Variants in FGFR2 observed in about 807,000 individuals in gnomAD.
The protein encoded by FGFR2 is fibroblast growth factor receptor 2.
In FGFR2, 19 loss-of-function variants were observed where a neutral mutation model predicts 95.9. That is an observed-to-expected ratio of 0.20 (90% CI 0.14 to 0.29). The LOEUF (loss-of-function observed/expected upper bound fraction) is 0.29, where lower values mean the gene tolerates loss of function less well. FGFR2 is among the 10% of genes least tolerant of loss of function. FGFR2 has a pLI of 1.00. For synonymous variants in FGFR2, 392 were observed against 393.3 expected (o/e 1.00, Z 0.04); for missense variants, 707 against 1,056.9 (o/e 0.67, Z 4.59).
At chr10:121,503,731 C>T in intron 10 of FGFR2, 59 bp downstream of exon 10, 1 of 1,584,104 alleles carries the variant, frequency 6.3e-7, no homozygotes, top group Non-Finnish European at 8.7e-7. Flanking sequence ...AATGTTAATC[C>T]AATATCCCCA....
rs2134284016 is a variant in FGFR2 at position 121,518,764 on chromosome 10, A to T, written c.939+1215T>A. On this transcript the variant is annotated intron_variant, in intron 7 of 17. Transcript: ENST00000358487. This position sits in a 1 kb window ranked among gnomAD's most constrained non-coding sequence, Gnocchi z 4.0. The stretch of plus-strand genomic sequence containing the variant: ...TGGAGACCTTACATATATATTCCCC[A>T]GCATCCGCCTCGGTCACATTGAACA... The T allele has an allele frequency of 1.2e-6, 2 of 1,614,202 alleles. No individual in the cohort carries two copies. Among genetic ancestry groups the T allele is most frequent in the Non-Finnish European group, 1.7e-6 (2 of 1,180,044 alleles).
At chr10:121,574,627 G>A (rs956220857) in intron 2 of FGFR2, among the ~76,000 whole-genome samples, 1 of 152,038 alleles carries the variant, frequency 6.6e-6, no homozygotes, top group Admixed American at 6.6e-5. Context: ...CCTGCCATGA[G>A]GGCTGTGTAC....
In FGFR2 at chr10:121,582,756, C is replaced by A. The variant is rs139052269; in HGVS notation, c.109+10953G>T. Among the ~76,000 whole-genome samples, 1,402 of 152,172 alleles carry A rather than the reference C, an allele frequency of 9.2e-3. 22 individuals are homozygous for A. The highest frequency in any genetic ancestry group is 0.06 in the East Asian group (310 of 5,150). ...CAAGATCGCACCACTGCACTCCAGC[C>A]TGGGTGACAGAGCAAGAGACTCTGT... On this transcript the variant is annotated intron_variant, in intron 2 of 17. Coordinates refer to ENST00000358487, the MANE Select transcript of FGFR2 (RefSeq NM_000141.5).
intron 6 of FGFR2, among the ~76,000 whole-genome samples, chr10:121,530,834 A>G (rs1298424227): frequency 6.6e-6 from 1 of 152,234 alleles, no homozygotes; most frequent in East Asian, 1.9e-4. Flanking sequence ...GTTCCAGCAC[A>G]TTACTGCACA....
intron 4 of FGFR2, among the ~76,000 whole-genome samples, chr10:121,559,036 G>A (rs2134993286): frequency 6.9e-6 from 1 of 145,180 alleles, no homozygotes; most frequent in Non-Finnish European, 1.5e-5. Flanking sequence ...CAAATCAGCA[G>A]AGGGAATAAC....
chr10:121,590,623 T>C (rs1457869454), intron 2 of FGFR2, among the ~76,000 whole-genome samples: 1 of 152,150 alleles, frequency 6.6e-6, no homozygotes, highest in African/African-American at 2.4e-5. Context: ...TGCTACTATT[T>C]CAGAACGTGT....
chr10:121,509,780 G>A (rs974297395), intron 9 of FGFR2, among the ~76,000 whole-genome samples: 43 of 151,944 alleles, frequency 2.8e-4, no homozygotes, highest in African/African-American at 1.0e-3. Flanking sequence ...ACTGCGCCCG[G>A]TCTAACAGTG....
Position 121,479,710 on chromosome 10 carries a change from C to T in FGFR2, c.*147G>A. On this transcript the variant is annotated 3_prime_UTR_variant, in exon 18 of 18. Coordinates refer to ENST00000358487, the MANE Select transcript of FGFR2 (RefSeq NM_000141.5). Reference sequence around the variant, plus strand: ...AAGTTTTCAACTGTATAAATCTTTACACATATGCTGATTACTTTTCCAATT... The same window carrying T: ...AAGTTTTCAACTGTATAAATCTTTATACATATGCTGATTACTTTTCCAATT... 6.3e-7 allele frequency: 1 copy of T among 1,596,122 alleles called. No homozygotes were observed. Among genetic ancestry groups the T allele is most frequent in the Non-Finnish European group, 8.5e-7 (1 of 1,170,150 alleles).
chr10:121,539,222 GT>G (rs1457285103), intron 5 of FGFR2, among the ~76,000 whole-genome samples: 1 of 152,242 alleles, frequency 6.6e-6, no homozygotes, highest in Non-Finnish European at 1.5e-5. Flanking sequence ...GGGGCTCATA[GT>G]TCTCAGATGT....
At chr10:121,554,047 C>A (rs1032993240) in intron 4 of FGFR2, among the ~76,000 whole-genome samples, 11 of 152,328 alleles carry the variant, frequency 7.2e-5, no homozygotes, top group Admixed American at 6.5e-4. Flanking sequence ...GTAGCCACTT[C>A]CCTCGGGTGA....
In FGFR2 at chr10:121,518,752, T is replaced by C. The variant is rs1047087; in HGVS notation, c.939+1227A>G. 3.7e-6 allele frequency: 6 copies of C among 1,614,038 alleles called. No individual in the cohort carries two copies. Among genetic ancestry groups the C allele is most frequent in the Admixed American group, 1.7e-5 (1 of 59,994 alleles). ...GCCCTATATAATTGGAGACCTTACA[T>C]ATATATTCCCCAGCATCCGCCTCGG... On this transcript the variant is annotated intron_variant, in intron 7 of 17. Coordinates refer to ENST00000358487, the MANE Select transcript of FGFR2 (RefSeq NM_000141.5). The surrounding 1 kb of genome is among the most constrained non-coding windows in gnomAD (Gnocchi z 4.0).
intron 6 of FGFR2, among the ~76,000 whole-genome samples, chr10:121,534,708 CTGTT>C (rs1852582988): frequency 1.3e-5 from 2 of 152,100 alleles, no homozygotes. Flanking sequence ...AAATGGCATT[CTGTT>C]TGTTTAATAA....
intron 5 of FGFR2, among the ~76,000 whole-genome samples, chr10:121,546,779 A>C (rs558067839): frequency 6.6e-6 from 1 of 152,258 alleles, no homozygotes; most frequent in East Asian, 1.9e-4. Flanking sequence ...AGGCCACCAA[A>C]GCACAATCAT....
Position 121,479,672 on chromosome 10 carries a change from T to G in FGFR2, c.*185A>C. On this transcript the variant is annotated 3_prime_UTR_variant, in exon 18 of 18. Coordinates refer to ENST00000358487, the MANE Select transcript of FGFR2 (RefSeq NM_000141.5). Reference sequence around the variant, plus strand: ...TGCTCCAGAAACCTTCTTCTCCTCCTGGGGAAGATTACAAGTTTTCAACTG... The same window carrying G: ...TGCTCCAGAAACCTTCTTCTCCTCCGGGGGAAGATTACAAGTTTTCAACTG... 6.4e-7 allele frequency: 1 copy of G among 1,554,970 alleles called. No homozygotes were observed. Among genetic ancestry groups the G allele is most frequent in the Non-Finnish European group, 8.7e-7 (1 of 1,148,498 alleles).
chr10:121,524,558 T>G (rs1423578860), intron 6 of FGFR2, among the ~76,000 whole-genome samples: 1 of 152,202 alleles, frequency 6.6e-6, no homozygotes, highest in African/African-American at 2.4e-5. Flanking sequence ...TGCCAGCATC[T>G]GCCGAACGCT....
Position 121,479,602 on chromosome 10 carries a change from G to A in FGFR2, c.*255C>T, listed in dbSNP as rs1368902748. Reference sequence around the variant, plus strand: ...AGTCCTACTGGTCCACAGCCAGTACGCACGGCAGGTGAGAGGGGTTACATG... The same window carrying A: ...AGTCCTACTGGTCCACAGCCAGTACACACGGCAGGTGAGAGGGGTTACATG... On this transcript the variant is annotated 3_prime_UTR_variant, in exon 18 of 18. Coordinates refer to ENST00000358487, the MANE Select transcript of FGFR2 (RefSeq NM_000141.5). 5.2e-6 allele frequency: 8 copies of A among 1,551,546 alleles called. No homozygotes were observed. The highest frequency in any genetic ancestry group is 4.9e-5 in the East Asian group (2 of 40,926).
intron 10 of FGFR2, among the ~76,000 whole-genome samples, chr10:121,502,232 A>C (rs559751711): frequency 6.6e-6 from 1 of 152,334 alleles, no homozygotes; most frequent in African/African-American, 2.4e-5. Context: ...CTGTGTATAT[A>C]ATCACACACA....
At chr10:121,577,060 G>A (rs1859901549) in intron 2 of FGFR2, among the ~76,000 whole-genome samples, 2 of 144,944 alleles carry the variant, frequency 1.4e-5, no homozygotes, top group Admixed American at 1.4e-4. Context: ...GCTTGAACCT[G>A]GGAGGCGGAA....
chr10:121,502,839 C>A (rs1373669371), intron 10 of FGFR2, among the ~76,000 whole-genome samples: 1 of 152,168 alleles, frequency 6.6e-6, no homozygotes, highest in Non-Finnish European at 1.5e-5. Context: ...ACAATGACCA[C>A]TGCACTTCCT....
Sources: allele counts gnomAD v4.1 joint callset (sites outside exome capture counted in the v4.1 genomes callset), GRCh38; gene constraint gnomAD v4.1.1; non-coding constraint Gnocchi (gnomAD v3.1); transcripts MANE v1.5; gene names NCBI Gene and HGNC (gene_info 2026-07-23, HGNC 2026-07-21).